The following C8orf34 variants were observed in gnomAD, a reference collection of about 807,000 sequenced individuals.
C8orf34 encodes the protein uncharacterized protein C8orf34.
A neutral mutation model predicts 68.3 loss-of-function variants in C8orf34; 65 were observed. The ratio of observed to expected loss-of-function variants is 0.95; its 90% CI spans 0.78 to 1.17. The LOEUF is 1.17. C8orf34 is among the 50% of genes most tolerant of loss of function. The probability of loss-of-function intolerance (pLI) is 0.00; values close to 1 mark genes in which losing one functional copy is unlikely to be tolerated. For missense variants in C8orf34, 664 were observed against 655.4 expected, an observed-to-expected ratio of 1.01 and a Z score of -0.14; for synonymous variants, 244 against 241.2, an observed-to-expected ratio of 1.01 and a Z score of -0.11.
At chr8:68,642,348 T>C (rs1434870413) in intron 8 of C8orf34, among the ~76,000 whole-genome samples, 1 of 152,182 alleles carries the variant, frequency 6.6e-6, no homozygotes, top group Non-Finnish European at 1.5e-5. Context: ...TGGTAAACAG[T>C]ATGGAAGAAG....
chr8:68,639,335 G>T (rs1391250795), intron 7 of C8orf34, among the ~76,000 whole-genome samples: 1 of 152,096 alleles, frequency 6.6e-6, no homozygotes, highest in Non-Finnish European at 1.5e-5. Context: ...GCCTATGGAA[G>T]AAGCCTGTTG....
chr8:68,693,315 G>A (rs138211500), intron 8 of C8orf34, among the ~76,000 whole-genome samples: 196 of 152,184 alleles, frequency 1.3e-3, no homozygotes, highest in African/African-American at 4.2e-3. Context: ...GTAGGGCCCA[G>A]TGGAAGTGAT....
chr8:68,753,220 A>T (rs1822756410), intron 10 of C8orf34, among the ~76,000 whole-genome samples: 1 of 152,186 alleles, frequency 6.6e-6, no homozygotes, highest in African/African-American at 2.4e-5. Flanking sequence ...GGATCATATA[A>T]ATGTGATTGT....
At chr8:68,480,395 C>T (rs1232188104) in intron 4 of C8orf34, among the ~76,000 whole-genome samples, 1 of 152,170 alleles carries the variant, frequency 6.6e-6, no homozygotes, top group Non-Finnish European at 1.5e-5. Flanking sequence ...TTGGGTATGT[C>T]TTTATCAGCA....
intron 1 of C8orf34, among the ~76,000 whole-genome samples, chr8:68,377,109 G>A (rs962267200): frequency 6.6e-6 from 1 of 152,110 alleles, no homozygotes; most frequent in Admixed American, 6.5e-5. Context: ...AAGCAAGAAG[G>A]GGCTGGGCAT....
At chr8:68,592,593 CTT>C (rs1817425098) in intron 7 of C8orf34, among the ~76,000 whole-genome samples, 1 of 116,802 alleles carries the variant, frequency 8.6e-6, no homozygotes, top group Non-Finnish European at 1.7e-5. Context: ...CAATTTATCT[CTT>C]CTTTTTTTTT....
At chr8:68,512,320 A>G (rs1814311281) in intron 5 of C8orf34, among the ~76,000 whole-genome samples, 1 of 152,232 alleles carries the variant, frequency 6.6e-6, no homozygotes, top group African/African-American at 2.4e-5. Flanking sequence ...TATAACCTAA[A>G]GAAGAATTGA....
In C8orf34 at chr8:68,776,400, GA is replaced by G; in HGVS notation, c.1407del (p.Glu470LysfsTer6). On this transcript the variant is annotated frameshift_variant and splice_region_variant, in exon 11 of 14. Transcript: ENST00000518698. LOFTEE classifies it high-confidence loss of function. ...FEKASKLTGP[G>X]EASSGVGHSL... ...ACCTCTCTTCCTCTTTACTTCTAGG[GA>G]GAAGCCTCCAGTGGAGTAGGACACT... The G allele has an allele frequency of 6.2e-7, 1 of 1,612,246 alleles. No homozygotes were observed. Among genetic ancestry groups the G allele is most frequent in the Non-Finnish European group, 8.5e-7 (1 of 1,178,650 alleles).
intron 3 of C8orf34, among the ~76,000 whole-genome samples, chr8:68,461,595 G>A (rs1029643548): frequency 4.0e-4 from 61 of 152,284 alleles, no homozygotes; most frequent in African/African-American, 1.0e-3. Context: ...CGGATCTCTC[G>A]GCAGAAACTC....
chr8:68,465,234 A>G (rs899894514), intron 3 of C8orf34, among the ~76,000 whole-genome samples: 2 of 152,054 alleles, frequency 1.3e-5, no homozygotes, highest in African/African-American at 4.8e-5. Flanking sequence ...AGAAATGCAA[A>G]TCAAAACTAC....
chr8:68,592,581 A>G (rs1339196898), intron 7 of C8orf34, among the ~76,000 whole-genome samples: 2 of 141,386 alleles, frequency 1.4e-5, no homozygotes, highest in African/African-American at 5.2e-5. Context: ...ACTGCAGTTT[A>G]TCAATTTATC....
intron 1 of C8orf34, chr8:68,438,478 G>C (rs1810756543): frequency 1.3e-5 from 2 of 152,112 alleles, no homozygotes; most frequent in South Asian, 4.1e-4. Context: ...AAAAAAAGAT[G>C]CACTGGGGAA....
At chr8:68,541,088 TAATAAC>T (rs1387537151) in intron 7 of C8orf34, among the ~76,000 whole-genome samples, 1 of 152,100 alleles carries the variant, frequency 6.6e-6, no homozygotes, top group African/African-American at 2.4e-5. Flanking sequence ...AAAATGGAAT[TAATAAC>T]AATACTCATA....
At chr8:68,597,305 G>C (rs1817573027) in intron 7 of C8orf34, among the ~76,000 whole-genome samples, 1 of 152,078 alleles carries the variant, frequency 6.6e-6, no homozygotes, top group Admixed American at 6.6e-5. Context: ...GTGTCCTACA[G>C]ATTGGTGTTC....
intron 3 of C8orf34, among the ~76,000 whole-genome samples, chr8:68,453,959 A>C (rs898020061): frequency 6.6e-6 from 1 of 151,788 alleles, no homozygotes; most frequent in African/African-American, 2.4e-5. Context: ...TTCTATTCCT[A>C]GTTTGTTGGA....
chr8:68,727,236 C>T (rs566242746), intron 10 of C8orf34, among the ~76,000 whole-genome samples: 14 of 152,256 alleles, frequency 9.2e-5, no homozygotes, highest in African/African-American at 2.6e-4. Flanking sequence ...CAAAATCCAG[C>T]GGGGCAGTCA....
chr8:68,521,732 T>C, intron 5 of C8orf34, 67 bp from the exon 6 acceptor site: 1 of 1,422,350 alleles, frequency 7.0e-7, no homozygotes, highest in Non-Finnish European at 9.5e-7. Context: ...TAGGCAACTT[T>C]ATTTCCCTGT....
chr8:68,545,086 G>C (rs7014750), intron 7 of C8orf34, among the ~76,000 whole-genome samples: 1 of 152,008 alleles, frequency 6.6e-6, no homozygotes, highest in African/African-American at 2.4e-5. Flanking sequence ...TGGTTTGGCT[G>C]TGTCCCCAAC....
intron 1 of C8orf34, among the ~76,000 whole-genome samples, chr8:68,396,688 T>C (rs971829931): frequency 7.1e-6 from 1 of 140,312 alleles, no homozygotes; most frequent in African/African-American, 2.7e-5. Context: ...TCTCATTCTA[T>C]TAGTTCCTGC....
Sources: gnomAD v4.1 joint callset for allele counts (sites outside exome capture counted in the v4.1 genomes callset) on GRCh38, gnomAD v4.1.1 for gene constraint, MANE v1.5 for transcripts, NCBI Gene and HGNC (gene_info 2026-07-23, HGNC 2026-07-21) for gene names.